LMAN2: variants seen among roughly 807,000 people sequenced by gnomAD.
The protein encoded by LMAN2 is vesicular integral-membrane protein VIP36.
LMAN2 carries 22 observed loss-of-function variants against 39.3 expected under a neutral mutation model. The observed-to-expected ratio is 0.56, with a 90% CI of 0.40 to 0.80. The LOEUF is 0.80. Among genes scored for constraint, LMAN2 ranks in the 30% least tolerant of loss-of-function variants. The pLI is 0.00. For synonymous variants in LMAN2, 207 were observed against 207.8 expected (o/e 1.00, Z 0.03); for missense variants, 494 against 505.4 (o/e 0.98, Z 0.22).
intron 2 of LMAN2, among the ~76,000 whole-genome samples, chr5:177,343,824 T>C (rs370599571): frequency 7.9e-5 from 12 of 152,214 alleles, no homozygotes; most frequent in Admixed American, 2.6e-4. Context: ...AGAGTTTCAG[T>C]TGGGATGAGC....
chr5:177,331,849 C>G lies in LMAN2; in HGVS notation c.*237G>C, dbSNP rs995161640. 4.1e-6 allele frequency: 2 copies of G among 485,472 alleles called. No homozygotes were observed. The highest frequency in any genetic ancestry group is 7.3e-6 in the Non-Finnish European group (2 of 272,784). The allele number at this position is 485,472 out of a possible 1,614,324, so 30.1% of individuals were successfully genotyped here. A position where few individuals can be genotyped will look rare whatever the true frequency, so the allele number is the denominator to read the frequency against. On this transcript the variant is annotated 3_prime_UTR_variant, in exon 8 of 8. Coordinates refer to ENST00000303127, the MANE Select transcript of LMAN2 (RefSeq NM_006816.3). ...CATCTGTAGACACAGACCCCTGCTC[C>G]TGAGACACCAGCCCCAGGAGAGCCT...
At chr5:177,342,580 T>C (rs1025332623) in intron 2 of LMAN2, among the ~76,000 whole-genome samples, 5 of 151,532 alleles carry the variant, frequency 3.3e-5, no homozygotes, top group Non-Finnish European at 5.9e-5. Flanking sequence ...CAGCTACTTG[T>C]GGGGCTGAGG....
chr5:177,350,833 G>A (rs1174270325), intron 2 of LMAN2, among the ~76,000 whole-genome samples: 2 of 152,178 alleles, frequency 1.3e-5, no homozygotes, highest in Non-Finnish European at 2.9e-5. Flanking sequence ...GGGGGTTCAA[G>A]GCAGACAGCC....
intron 2 of LMAN2, among the ~76,000 whole-genome samples, chr5:177,341,313 G>A (rs1292832470): frequency 2.0e-5 from 3 of 150,842 alleles, no homozygotes; most frequent in African/African-American, 4.9e-5. Flanking sequence ...TGATCCGCCC[G>A]TCTCGGCCTC....
At chr5:177,344,244 T>A (rs1346584767) in intron 2 of LMAN2, among the ~76,000 whole-genome samples, 17 of 150,890 alleles carry the variant, frequency 1.1e-4, no homozygotes, top group African/African-American at 3.7e-4. Context: ...AATTTTTTTT[T>A]AATTTTAAAA....
At chr5:177,350,363 C>T (rs1761703098) in intron 2 of LMAN2, among the ~76,000 whole-genome samples, 1 of 152,140 alleles carries the variant, frequency 6.6e-6, no homozygotes, top group African/African-American at 2.4e-5. Context: ...TAACCCAGCC[C>T]CAAATTATTC....
chr5:177,338,714 T>A, intron 2 of LMAN2, 109 bp from the exon 3 acceptor site: 1 of 860,830 alleles, frequency 1.2e-6, no homozygotes, highest in Non-Finnish European at 1.9e-6. Context: ...TCTCCCCAGC[T>A]AAGACTGGGC....
chr5:177,332,925 C>T lies in LMAN2; in HGVS notation c.911-679G>A, dbSNP rs1761412190. ...TCTGCCTCCCTCCCTGACTGCGGCC[C>T]CCCCGACTCCACACTGTACAGTCTC... On this transcript the variant is annotated intron_variant, in intron 7 of 7. Transcript: ENST00000303127. The surrounding 1 kb of genome is among the most constrained non-coding windows in gnomAD (Gnocchi z 6.3). Among the ~76,000 whole-genome samples the T allele has an allele frequency of 1.3e-5, 2 of 152,188 alleles. No individual in the cohort carries two copies. The highest frequency in any genetic ancestry group is 2.1e-4 in the South Asian group (1 of 4,830).
At chr5:177,336,318 A>T (rs924724316) in intron 6 of LMAN2, among the ~76,000 whole-genome samples, 3 of 152,152 alleles carry the variant, frequency 2.0e-5, no homozygotes, top group African/African-American at 7.2e-5. Context: ...GTGAGCAGGG[A>T]GCCAGAGGTG....
chr5:177,342,453 G>A (rs1208797973), intron 2 of LMAN2, among the ~76,000 whole-genome samples: 1 of 152,194 alleles, frequency 6.6e-6, no homozygotes, highest in Non-Finnish European at 1.5e-5. Context: ...GGGAGGCTGA[G>A]GCAGGTGGAT....
At chr5:177,336,172 C>A (rs893412431) in intron 6 of LMAN2, among the ~76,000 whole-genome samples, 1 of 152,126 alleles carries the variant, frequency 6.6e-6, no homozygotes, top group Non-Finnish European at 1.5e-5. Context: ...CGACATTCCA[C>A]GAGGGCATCA....
rs769834296 is a variant in LMAN2, at chr5:177,332,286, G to A, written c.911-40C>T. 1.3e-5 allele frequency: 21 copies of A among 1,595,316 alleles called. No homozygotes were observed. Among genetic ancestry groups the A allele is most frequent in the Non-Finnish European group, 1.7e-5 (20 of 1,169,402 alleles). ...ACGGGGGAGCTGAAACGGCAGCACG[G>A]GCCGGGGATCAGGGGGCTGCAGGAG... is the stretch of plus-strand genomic sequence containing the variant. On this transcript the variant is annotated intron_variant, in intron 7 of 7. Coordinates refer to ENST00000303127, the MANE Select transcript of LMAN2 (RefSeq NM_006816.3). This position sits in a 1 kb window ranked among gnomAD's most constrained non-coding sequence, Gnocchi z 6.3.
chr5:177,334,122 G>A (rs1369236346), intron 7 of LMAN2, among the ~76,000 whole-genome samples, 162 bp downstream of exon 7: 2 of 152,230 alleles, frequency 1.3e-5, no homozygotes, highest in Admixed American at 6.5e-5. Context: ...CTAGGAGCTC[G>A]GACAGGGCCA....
In LMAN2 at chr5:177,337,697, G is replaced by C; in HGVS notation, c.513+9C>G. On this transcript the variant is annotated intron_variant, in intron 4 of 7. Transcript: ENST00000303127. This position sits in a 1 kb window ranked among gnomAD's most constrained non-coding sequence, Gnocchi z 8.2. ...CTTTCCTGCTCAGCAGGATAGAGCA[G>C]GGGCCTACCTCAGTGGTCTCATCAT... 1.2e-6 allele frequency: 2 copies of C among 1,613,850 alleles called. No homozygotes were observed. Among genetic ancestry groups the C allele is most frequent in the African/African-American group, 1.3e-5 (1 of 75,044 alleles).
intron 2 of LMAN2, among the ~76,000 whole-genome samples, chr5:177,343,422 G>C (rs1761586015): frequency 6.6e-6 from 1 of 152,030 alleles, no homozygotes; most frequent in Non-Finnish European, 1.5e-5. Flanking sequence ...CTACTTCCTG[G>C]GTATATACCC....
chr5:177,345,905 C>T (rs1561607008), intron 2 of LMAN2, among the ~76,000 whole-genome samples: 1 of 152,070 alleles, frequency 6.6e-6, no homozygotes, highest in Non-Finnish European at 1.5e-5. Flanking sequence ...GTAACTGGGA[C>T]TACAAGCGCC....
intron 3 of LMAN2, among the ~76,000 whole-genome samples, chr5:177,338,018 G>A (rs909915588): frequency 2.4e-4 from 36 of 152,192 alleles, no homozygotes; most frequent in African/African-American, 7.9e-4. Flanking sequence ...TGAGGGGACT[G>A]AGGCAGATGT....
Position 177,332,273 on chromosome 5 carries a change from A to T in LMAN2, c.911-27T>A. The T allele has an allele frequency of 6.2e-7, 1 of 1,606,928 alleles. No homozygotes were observed. ...TGGGGGAGAAGAAACGGGGGAGCTG[A>T]AACGGCAGCACGGGCCGGGGATCAG... On this transcript the variant is annotated intron_variant, in intron 7 of 7. Transcript: ENST00000303127. This position sits in a 1 kb window ranked among gnomAD's most constrained non-coding sequence, Gnocchi z 6.3.
chr5:177,345,339 T>TAAAAA (rs10639580), intron 2 of LMAN2, among the ~76,000 whole-genome samples: 13 of 52,394 alleles, frequency 2.5e-4, no homozygotes, highest in Non-Finnish European at 4.0e-4. Context: ...AGACCCTGTC[T>TAAAAA]AAAAAAAAAA....
Sources: gnomAD v4.1 joint callset for allele counts (sites outside exome capture counted in the v4.1 genomes callset) on GRCh38, gnomAD v4.1.1 for gene constraint, Gnocchi (gnomAD v3.1) non-coding constraint, MANE v1.5 for transcripts, NCBI Gene and HGNC (gene_info 2026-07-23, HGNC 2026-07-21) for gene names.